Variants in PPP2R5C observed in about 807,000 individuals in gnomAD.
PPP2R5C encodes the protein serine/threonine-protein phosphatase 2A 56 kDa regulatory subunit gamma isoform.
PPP2R5C carries 7 observed loss-of-function variants against 68.9 expected under a neutral mutation model. That is an observed-to-expected ratio of 0.10 (90% CI 0.06 to 0.19). The LOEUF is 0.19. PPP2R5C is among the 10% of genes least tolerant of loss of function. The pLI is 1.00. For synonymous variants in PPP2R5C, 210 were observed against 222.2 expected (o/e 0.95, Z 0.49); for missense variants, 348 against 641.3 (o/e 0.54, Z 4.94).
chr14:101,908,062 A>T (rs1173534901), intron 10 of PPP2R5C, among the ~76,000 whole-genome samples: 1 of 152,156 alleles, frequency 6.6e-6, no homozygotes, highest in African/African-American at 2.4e-5. Context: ...GAACCCGGGG[A>T]AGTTAGCTCT....
At chr14:101,858,967 A>G (rs2042598163) in intron 2 of PPP2R5C, among the ~76,000 whole-genome samples, 1 of 152,192 alleles carries the variant, frequency 6.6e-6, no homozygotes, top group African/African-American at 2.4e-5. Context: ...AGATTAAGTC[A>G]TCATTGCCTC....
At chr14:101,762,907 A>G (rs1184652563) in exon 2 of PPP2R5C, 1 of 1,582,078 alleles carries the variant, frequency 6.3e-7, no homozygotes, top group Non-Finnish European at 8.6e-7. Context: ...TTTACCAGGA[A>G]TCACCAAAAG....
chr14:101,911,383 G>A (rs1363130666), intron 11 of PPP2R5C, among the ~76,000 whole-genome samples: 1 of 152,208 alleles, frequency 6.6e-6, no homozygotes, highest in Non-Finnish European at 1.5e-5. Context: ...TGACAAGTCA[G>A]TCAGGAAAGG....
At position 101,890,764 on chromosome 14, in the gene PPP2R5C, C is replaced by CTT. The variant is rs368348255; in HGVS notation, c.689+491_689+492dup. Among the ~76,000 whole-genome samples, 351 of 115,396 alleles carry CTT rather than the reference C, an allele frequency of 3.0e-3. 2 individuals carry two copies. Among genetic ancestry groups the CTT allele is most frequent in the East Asian group, 4.6e-3 (18 of 3,922 alleles). The allele number at this position is 115,396 out of a possible 152,430, so 75.7% of individuals were successfully genotyped here. On this transcript the variant is annotated intron_variant, in intron 6 of 13. Coordinates refer to ENST00000334743, the Ensembl canonical transcript of PPP2R5C. Reference sequence around the variant, plus strand: ...TATCCAAGTAAAGTTTTTAGTTGCCCTTTTTTTTTTTTTTTTTTTTTTTTC... The same window carrying CTT: ...TATCCAAGTAAAGTTTTTAGTTGCCCTTTTTTTTTTTTTTTTTTTTTTTTTTC...
chr14:101,897,176 C>G (rs2045386695), intron 8 of PPP2R5C, among the ~76,000 whole-genome samples: 1 of 152,160 alleles, frequency 6.6e-6, no homozygotes, highest in Admixed American at 6.5e-5. Flanking sequence ...TACCAAATCT[C>G]ATCACACTTC....
At chr14:101,771,221 TC>T (rs1357218888) in intron 2 of PPP2R5C, among the ~76,000 whole-genome samples, 1 of 72,632 alleles carries the variant, frequency 1.4e-5, no homozygotes, top group East Asian at 4.3e-4. Flanking sequence ...TTTCTTCATC[TC>T]GTGTGTGTGT....
chr14:101,766,100 A>G (rs1375180972), intron 2 of PPP2R5C: 1 of 152,260 alleles, frequency 6.6e-6, no homozygotes, highest in African/African-American at 2.4e-5. Flanking sequence ...GGTTGACTTA[A>G]CACACTACTT....
At chr14:101,800,744 A>C (rs2038829699) in intron 3 of PPP2R5C, among the ~76,000 whole-genome samples, 1 of 152,120 alleles carries the variant, frequency 6.6e-6, no homozygotes, top group Non-Finnish European at 1.5e-5. Context: ...AAAGAAAATC[A>C]GTATATCACA....
intron 8 of PPP2R5C, among the ~76,000 whole-genome samples, chr14:101,897,370 G>A: frequency 6.6e-6 from 1 of 150,564 alleles, no homozygotes; most frequent in Non-Finnish European, 1.5e-5. Flanking sequence ...CTATATCTGA[G>A]GTATTCTCCA....
chr14:101,814,807 G>A (rs2140220357), intron 1 of PPP2R5C, among the ~76,000 whole-genome samples: 1 of 152,308 alleles, frequency 6.6e-6, no homozygotes, highest in Non-Finnish European at 1.5e-5. Flanking sequence ...AAATTGCGAG[G>A]TGGTTCTTTT....
intron 2 of PPP2R5C, among the ~76,000 whole-genome samples, chr14:101,865,447 G>A (rs528424259): frequency 6.6e-5 from 10 of 152,196 alleles, no homozygotes; most frequent in African/African-American, 1.2e-4. Flanking sequence ...TCCCGTTGCC[G>A]TAACTAGGGA....
intron 2 of PPP2R5C, among the ~76,000 whole-genome samples, chr14:101,780,267 A>G (rs1453870265): frequency 3.3e-5 from 5 of 152,072 alleles, no homozygotes; most frequent in Non-Finnish European, 7.4e-5. Flanking sequence ...TTGGGTCCTG[A>G]ATTGAATTGA....
At chr14:101,845,207 G>A (rs192664852) in intron 1 of PPP2R5C, among the ~76,000 whole-genome samples, 42 of 152,172 alleles carry the variant, frequency 2.8e-4, no homozygotes, top group African/African-American at 8.7e-4. Flanking sequence ...GCCTGCAGCC[G>A]GAGTGAAGGT....
At chr14:101,771,222 CGTGTGTGTGTGTGTGTGTGTGT>C (rs3993402) in intron 2 of PPP2R5C, among the ~76,000 whole-genome samples, 2 of 135,396 alleles carry the variant, frequency 1.5e-5, no homozygotes, top group Admixed American at 7.6e-5. Context: ...TTCTTCATCT[CGTGTGTGTGTGTGTGTGTGTGT>C]GTGTGTGTGT....
At position 101,891,550 on chromosome 14, in the gene PPP2R5C, C is replaced by CAG. The variant is rs1445209007; in HGVS notation, c.689+1254_689+1255insAG. ...TTTCCCTCCTAGGTTGTTGCAGGGA[C>CAG]CGGAGCGCTGTATGACATGTGTTCC... On this transcript the variant is annotated intron_variant, in intron 6 of 13. Coordinates refer to ENST00000334743, the Ensembl canonical transcript of PPP2R5C. This position sits in a 1 kb window ranked among gnomAD's most constrained non-coding sequence, Gnocchi z 4.9. 3.3e-5 allele frequency among the ~76,000 whole-genome samples: 5 copies of CAG among 152,260 alleles called. No individual in the cohort carries two copies. Among genetic ancestry groups the CAG allele is most frequent in the African/African-American group, 1.2e-4 (5 of 41,546 alleles).
At chr14:101,886,844 C>T (rs2140929093) in intron 5 of PPP2R5C, among the ~76,000 whole-genome samples, 1 of 152,278 alleles carries the variant, frequency 6.6e-6, no homozygotes, top group South Asian at 2.1e-4. Context: ...ATCCTTCTAC[C>T]TCAGCTTCCC....
intron 2 of PPP2R5C, among the ~76,000 whole-genome samples, chr14:101,769,507 A>T (rs574141609): frequency 5.9e-5 from 9 of 152,184 alleles, no homozygotes; most frequent in Non-Finnish European, 1.0e-4. Context: ...ACAATAAAAA[A>T]CTTGTTTATT....
chr14:101,781,009 C>T lies in PPP2R5C; in HGVS notation c.94-5009C>T, dbSNP rs1239734393. Among the ~76,000 whole-genome samples, 1 of 152,194 alleles carries T rather than the reference C, an allele frequency of 6.6e-6. No individual in the cohort carries two copies. Among genetic ancestry groups the T allele is most frequent in the East Asian group, 1.9e-4 (1 of 5,194 alleles). ...TTCCTCTCTGTAAGCTAAGGATGCG[C>T]CAGCTCGGCCTGAACCATGGAATGC... On this transcript the variant is annotated intron_variant, in intron 2 of 14. Transcript: ENST00000328724. This position sits in a 1 kb window ranked among gnomAD's most constrained non-coding sequence, Gnocchi z 6.4.
At chr14:101,772,302 C>T (rs528194076) in intron 2 of PPP2R5C, among the ~76,000 whole-genome samples, 57 of 151,846 alleles carry the variant, frequency 3.8e-4, no homozygotes, top group African/African-American at 1.4e-3. Flanking sequence ...GAGAGGGAGG[C>T]CCTGTCTACT....
Sources: gnomAD v4.1 joint callset for allele counts (sites outside exome capture counted in the v4.1 genomes callset) on GRCh38, gnomAD v4.1.1 for gene constraint, Gnocchi (gnomAD v3.1) non-coding constraint, MANE v1.5 for transcripts, NCBI Gene and HGNC (gene_info 2026-07-23, HGNC 2026-07-21) for gene names.